The following UBE2R2 variants were observed in gnomAD, a reference collection of about 807,000 sequenced individuals.
The protein encoded by UBE2R2 is ubiquitin conjugating enzyme E2 R2.
A neutral mutation model predicts 27.8 loss-of-function variants in UBE2R2; 1 was observed. The observed-to-expected ratio is 0.04, with a 90% CI of 0.01 to 0.17. The LOEUF (loss-of-function observed/expected upper bound fraction) is 0.17. Ranked by LOEUF, UBE2R2 falls within the 10% of genes least tolerant of loss-of-function variation. UBE2R2 has a pLI of 1.00. For synonymous variants in UBE2R2, 106 were observed against 113.3 expected (o/e 0.94, Z 0.41); for missense variants, 100 against 291.0 (o/e 0.34, Z 4.78).
At chr9:33,911,402 CA>C (rs60526576) in intron 3 of UBE2R2, among the ~76,000 whole-genome samples, 16 of 53,198 alleles carry the variant, frequency 3.0e-4, no homozygotes, top group African/African-American at 1.1e-3. Flanking sequence ...AACTCCATCT[CA>C]AAAAAAAAAA....
intron 1 of UBE2R2, among the ~76,000 whole-genome samples, chr9:33,855,685 CT>C (rs368723984): frequency 2.6e-5 from 4 of 152,282 alleles, no homozygotes; most frequent in African/African-American, 7.2e-5. Context: ...GGAAGGAGAC[CT>C]TCTTTTAAAA....
At chr9:33,867,844 G>C (rs1821397954) in intron 1 of UBE2R2, among the ~76,000 whole-genome samples, 1 of 152,134 alleles carries the variant, frequency 6.6e-6, no homozygotes, top group African/African-American at 2.4e-5. Context: ...GCTTGAACCT[G>C]GGAGGTAGAG....
At chr9:33,828,041 C>G (rs1179085217) in intron 1 of UBE2R2, among the ~76,000 whole-genome samples, 1 of 149,658 alleles carries the variant, frequency 6.7e-6, no homozygotes, top group Non-Finnish European at 1.5e-5. Context: ...CACAGAGGCT[C>G]ACTGTAGTCC....
intron 1 of UBE2R2, among the ~76,000 whole-genome samples, chr9:33,834,861 G>T (rs184801620): frequency 1.3e-5 from 2 of 151,370 alleles, no homozygotes; most frequent in African/African-American, 4.8e-5. Flanking sequence ...AGTAAGCCGA[G>T]ATCGTGCCGT....
In UBE2R2 at chr9:33,817,578, G is replaced by A. The variant is rs1327578826; in HGVS notation, c.-180G>A. On this transcript the variant is annotated 5_prime_UTR_variant, in exon 1 of 5. Transcript: ENST00000263228. The stretch of plus-strand genomic sequence containing the variant: ...CGGCCCGGCCTGCGTCGTGTGTGAG[G>A]AGGACCCCGGGCGGGCCCACGGGCC... 1 of 564,836 alleles carries A rather than the reference G, an allele frequency of 1.8e-6. No homozygotes were observed. The highest frequency in any genetic ancestry group is 2.3e-6 in the Non-Finnish European group (1 of 427,180). 35.0% of individuals were successfully genotyped at this position (564,836 alleles called of 1,614,324 possible).
intron 1 of UBE2R2, among the ~76,000 whole-genome samples, chr9:33,851,424 C>T (rs1202264999): frequency 6.6e-6 from 1 of 152,134 alleles, no homozygotes; most frequent in East Asian, 1.9e-4. Context: ...GGTTCAGAGC[C>T]AAGTATTTGC....
At chr9:33,865,560 T>C (rs1821342628) in intron 1 of UBE2R2, among the ~76,000 whole-genome samples, 1 of 152,214 alleles carries the variant, frequency 6.6e-6, no homozygotes, top group Non-Finnish European at 1.5e-5. Flanking sequence ...ACTATCATAC[T>C]TCTACTGTGG....
intron 1 of UBE2R2, among the ~76,000 whole-genome samples, chr9:33,839,151 C>A (rs987536297): frequency 6.6e-6 from 1 of 151,972 alleles, no homozygotes; most frequent in African/African-American, 2.4e-5. Flanking sequence ...AAACATAATC[C>A]CCAATGTGAT....
chr9:33,824,484 A>G (rs1049124333), intron 1 of UBE2R2, among the ~76,000 whole-genome samples: 1 of 152,002 alleles, frequency 6.6e-6, no homozygotes, highest in African/African-American at 2.4e-5. Context: ...AAAAAATACA[A>G]AAAAATTAGC....
At chr9:33,855,503 T>C (rs143272278) in intron 1 of UBE2R2, among the ~76,000 whole-genome samples, 115 of 152,308 alleles carry the variant, frequency 7.6e-4, no homozygotes, top group Non-Finnish European at 1.0e-3. Flanking sequence ...TGTTTGGTTA[T>C]GTATATTGGG....
At chr9:33,886,851 T>G in intron 1 of UBE2R2, 30 bp from the exon 2 acceptor site, 1 of 1,538,060 alleles carries the variant, frequency 6.5e-7, no homozygotes, top group Non-Finnish European at 8.8e-7. Flanking sequence ...ATAGTCTCAT[T>G]TATTAGCATT....
At chr9:33,897,027 T>A in intron 2 of UBE2R2, among the ~76,000 whole-genome samples, 1 of 77,190 alleles carries the variant, frequency 1.3e-5, no homozygotes, top group South Asian at 7.0e-4. Context: ...TGGCCTAATT[T>A]TTTTTTTTTT....
At chr9:33,832,581 T>G (rs889139471) in intron 1 of UBE2R2, among the ~76,000 whole-genome samples, 5 of 149,548 alleles carry the variant, frequency 3.3e-5, no homozygotes, top group African/African-American at 1.2e-4. Context: ...GACGTCAACC[T>G]GGGAGGCGGA....
chr9:33,847,329 C>T (rs1387517003), intron 1 of UBE2R2, among the ~76,000 whole-genome samples: 1 of 152,156 alleles, frequency 6.6e-6, no homozygotes, highest in Non-Finnish European at 1.5e-5. Flanking sequence ...ACTCTGGCCT[C>T]AAGTGATCTC....
At chr9:33,863,769 C>T (rs932955453) in intron 1 of UBE2R2, among the ~76,000 whole-genome samples, 1 of 152,044 alleles carries the variant, frequency 6.6e-6, no homozygotes, top group African/African-American at 2.4e-5. Flanking sequence ...TTCACTGCAT[C>T]CTCCGCCTCT....
chr9:33,875,850 C>T (rs1046917220), intron 1 of UBE2R2, among the ~76,000 whole-genome samples: 1 of 152,094 alleles, frequency 6.6e-6, no homozygotes, highest in Non-Finnish European at 1.5e-5. Context: ...ACCTTCCCTT[C>T]TTCTTTTAAA....
At chr9:33,910,572 G>A (rs117719433) in intron 3 of UBE2R2, among the ~76,000 whole-genome samples, 1 of 152,320 alleles carries the variant, frequency 6.6e-6, no homozygotes, top group Non-Finnish European at 1.5e-5. Flanking sequence ...ACCAGGGATG[G>A]CATCTAACTT....
intron 1 of UBE2R2, among the ~76,000 whole-genome samples, chr9:33,861,847 C>CTTTTT (rs775634986): frequency 2.6e-4 from 25 of 95,404 alleles, no homozygotes; most frequent in Non-Finnish European, 3.6e-4. Context: ...GATCCACTTT[C>CTTTTT]TTTTTTTTTT....
chr9:33,853,236 A>C (rs1821008573), intron 1 of UBE2R2, among the ~76,000 whole-genome samples: 1 of 151,576 alleles, frequency 6.6e-6, no homozygotes, highest in Non-Finnish European at 1.5e-5. Context: ...AAAAAAAAAA[A>C]AAAGATTCTC....
Sources: allele counts gnomAD v4.1 joint callset (sites outside exome capture counted in the v4.1 genomes callset), GRCh38; gene constraint gnomAD v4.1.1; transcripts MANE v1.5; gene names NCBI Gene and HGNC (gene_info 2026-07-23, HGNC 2026-07-21).